The following PREX2 variants were observed in gnomAD, a reference collection of about 807,000 sequenced individuals.
PREX2 encodes phosphatidylinositol-3,4,5-trisphosphate dependent Rac exchange factor 2.
PREX2 carries 107 observed loss-of-function variants against 203.2 expected under a neutral mutation model. The observed-to-expected ratio is 0.53, with a 90% confidence interval of 0.45 to 0.62. PREX2 has a LOEUF of 0.62. Among genes scored for constraint, PREX2 ranks in the 20% least tolerant of loss-of-function variants. The pLI is 0.00. For missense variants in PREX2, 1,777 were observed against 1,955.9 expected, an observed-to-expected ratio of 0.91 and a Z score of 1.72; for synonymous variants, 672 against 663.6, an observed-to-expected ratio of 1.01 and a Z score of -0.19.
rs1017883529 is a variant in PREX2, at chr8:68,214,728, G to A, written c.4605-2888G>A. The stretch of plus-strand genomic sequence containing the variant: ...AAATAAAAGTGACAGAAAAGTGGCA[G>A]CATTCCTGAGAGGCTTTCTTTCGCA... On this transcript the variant is annotated intron_variant, in intron 37 of 39. Transcript: ENST00000288368. Among the ~76,000 whole-genome samples, 9 of 152,294 alleles carry A rather than the reference G, an allele frequency of 5.9e-5. No individual in the cohort carries two copies. In the South Asian group the frequency reaches 1.9e-3, roughly 32 times the overall value.
At chr8:68,010,515 G>A (rs192920031) in intron 1 of PREX2, among the ~76,000 whole-genome samples, 4 of 152,320 alleles carry the variant, frequency 2.6e-5, no homozygotes, top group Admixed American at 2.0e-4. Flanking sequence ...GATAATAGGC[G>A]CAGTGGCAGA....
intron 33 of PREX2, among the ~76,000 whole-genome samples, chr8:68,142,599 G>C (rs953056082): frequency 6.6e-6 from 1 of 152,094 alleles, no homozygotes; most frequent in Non-Finnish European, 1.5e-5. Flanking sequence ...CACATGTGCA[G>C]GTTTTTCTGT....
intron 1 of PREX2, among the ~76,000 whole-genome samples, chr8:67,970,848 C>T (rs1320847018): frequency 6.6e-6 from 1 of 152,150 alleles, no homozygotes; most frequent in Admixed American, 6.5e-5. Context: ...CAGAAAGGTG[C>T]TATGTGCAGC....
At chr8:68,030,047 T>G (rs1320797458) in intron 5 of PREX2, among the ~76,000 whole-genome samples, 6 of 152,114 alleles carry the variant, frequency 3.9e-5, no homozygotes, top group African/African-American at 1.2e-4. Context: ...ATGACATAGT[T>G]TTATAGTTTC....
chr8:68,050,388 C>T (rs1180963538), intron 8 of PREX2, among the ~76,000 whole-genome samples: 1 of 147,194 alleles, frequency 6.8e-6, no homozygotes, highest in Non-Finnish European at 1.5e-5. Flanking sequence ...TGAAGGAGAA[C>T]TGGCATGTCT....
At chr8:68,065,239 A>C (rs1808981652) in intron 11 of PREX2, among the ~76,000 whole-genome samples, 1 of 152,210 alleles carries the variant, frequency 6.6e-6, no homozygotes, top group South Asian at 2.1e-4. Flanking sequence ...TGTGGCAAAA[A>C]CATTTGGGCT....
intron 35 of PREX2, among the ~76,000 whole-genome samples, chr8:68,167,473 A>G (rs1380269336): frequency 6.6e-6 from 1 of 152,012 alleles, no homozygotes; most frequent in Non-Finnish European, 1.5e-5. Context: ...AGCTGGGACT[A>G]TAGGCATGCC....
intron 8 of PREX2, among the ~76,000 whole-genome samples, chr8:68,051,952 T>A (rs1808537523): frequency 6.6e-6 from 1 of 152,148 alleles, no homozygotes; most frequent in African/African-American, 2.4e-5. Flanking sequence ...AATGGATTTG[T>A]GGTATTATTA....
At chr8:68,013,028 CTGG>C (rs1807310900) in intron 1 of PREX2, among the ~76,000 whole-genome samples, 1 of 152,148 alleles carries the variant, frequency 6.6e-6, no homozygotes, top group Admixed American at 6.5e-5. Context: ...GCAGTGCAGT[CTGG>C]TGGTCTTCAT....
intron 37 of PREX2, among the ~76,000 whole-genome samples, chr8:68,206,037 T>G (rs1300910718): frequency 6.6e-6 from 1 of 152,190 alleles, no homozygotes; most frequent in African/African-American, 2.4e-5. Context: ...AGCTTGTGAT[T>G]GTTGAATTAT....
rs67614434 is a variant in PREX2 at position 67,975,694 on chromosome 8, C to CTTTTTT, written c.141+23181_141+23186dup. ...TCAGGATAGTAACTGATTTCTCTTTCTTTTTTTTTTTTTTTTTTTTTTTTT... is the reference window on the plus strand; with the variant it reads ...TCAGGATAGTAACTGATTTCTCTTTCTTTTTTTTTTTTTTTTTTTTTTTTTTTTTTT... On this transcript the variant is annotated intron_variant, in intron 1 of 39. Transcript: ENST00000288368. 1.9e-3 allele frequency among the ~76,000 whole-genome samples: 140 copies of CTTTTTT among 75,006 alleles called. 26 individuals carry two copies. The highest frequency in any genetic ancestry group is 0.015 in the Middle Eastern group (1 of 68). 49.2% of individuals were successfully genotyped at this position (75,006 alleles called of 152,430 possible). A position where few individuals can be genotyped will look rare whatever the true frequency, so the allele number is the denominator to read the frequency against.
chr8:68,145,516 C>T (rs1269700513), intron 33 of PREX2, among the ~76,000 whole-genome samples: 1 of 152,030 alleles, frequency 6.6e-6, no homozygotes, highest in Non-Finnish European at 1.5e-5. Context: ...GACTATTCAG[C>T]CTTTTAGGAT....
At chr8:68,208,977 G>C (rs1321784546) in intron 37 of PREX2, among the ~76,000 whole-genome samples, 2 of 150,892 alleles carry the variant, frequency 1.3e-5, no homozygotes, top group Non-Finnish European at 2.9e-5. Context: ...GCCCAAGGCA[G>C]GAGGATCACT....
At chr8:68,038,755 A>G (rs550379455) in intron 7 of PREX2, among the ~76,000 whole-genome samples, 2 of 152,196 alleles carry the variant, frequency 1.3e-5, no homozygotes, top group African/African-American at 2.4e-5. Flanking sequence ...ACTGTCACAC[A>G]TGAATTTAGT....
In PREX2 at chr8:68,034,681, C is replaced by T. The variant is rs553667322; in HGVS notation, c.706-3478C>T. Among the ~76,000 whole-genome samples, 7 of 152,234 alleles carry T rather than the reference C, an allele frequency of 4.6e-5. No homozygotes were observed. In the South Asian group the frequency reaches 1.4e-3, roughly 32 times the overall value. On this transcript the variant is annotated intron_variant, in intron 6 of 39. Transcript: ENST00000288368. The stretch of plus-strand genomic sequence containing the variant: ...CCTTTTTACATGGAAAAATACAGTG[C>T]TACGGGACCATTTAAAAATTACTTC...
intron 1 of PREX2, among the ~76,000 whole-genome samples, chr8:67,971,007 T>C (rs993177476): frequency 3.3e-5 from 5 of 152,206 alleles, no homozygotes; most frequent in Middle Eastern, 3.2e-3. Flanking sequence ...TCCCATTTCA[T>C]GGTGTTGCTT....
Position 68,028,019 on chromosome 8 carries a change from A to G in PREX2, c.543+696A>G, listed in dbSNP as rs983854728. On this transcript the variant is annotated intron_variant, in intron 5 of 39. Coordinates refer to ENST00000288368, the MANE Select transcript of PREX2 (RefSeq NM_024870.4). ...CTGCGTTTTTTGGAACCATAACATCAGGATGGGCAGCCTGGGATAGTGGTT... is the reference window on the plus strand; with the variant it reads ...CTGCGTTTTTTGGAACCATAACATCGGGATGGGCAGCCTGGGATAGTGGTT... Among the ~76,000 whole-genome samples, 52 of 152,174 alleles carry G rather than the reference A, an allele frequency of 3.4e-4. 1 individual carries two copies. Among genetic ancestry groups the G allele is most frequent in the African/African-American group, 1.2e-3 (51 of 41,534 alleles).
intron 9 of PREX2, among the ~76,000 whole-genome samples, chr8:68,054,637 G>A (rs1272993426): frequency 6.6e-6 from 1 of 152,112 alleles, no homozygotes; most frequent in African/African-American, 2.4e-5. Context: ...TTTTAGCTTG[G>A]CACTGTTTTT....
At position 68,115,852 on chromosome 8, in the gene PREX2, C is replaced by A; in HGVS notation, c.3246C>A (p.Ser1082Arg). The change falls in exon 26 of 40, where the codon AGC becomes AGA. Residue 1082 changes from serine (S) to arginine (R), a missense_variant. Physicochemically the swap from Ser to Arg is moderately radical, Grantham distance 110. Transcript: ENST00000288368. ...DSDNEKGERN[S>R]KRVCFNVAGD... ...ACAATGAGAAGGGAGAAAGAAACAG[C>A]AAACGGGTATGTTTTAATGTAGCAG... The A allele has an allele frequency of 6.2e-7, 1 of 1,613,876 alleles. No homozygotes were observed. The highest frequency in any genetic ancestry group is 8.5e-7 in the Non-Finnish European group (1 of 1,179,880).
Sources: gnomAD v4.1 joint callset for allele counts (sites outside exome capture counted in the v4.1 genomes callset) on GRCh38, gnomAD v4.1.1 for gene constraint, MANE v1.5 for transcripts, NCBI Gene and HGNC (gene_info 2026-07-23, HGNC 2026-07-21) for gene names.